Variants in TBCE observed in about 807,000 individuals in gnomAD.
The protein encoded by TBCE is tubulin folding cofactor E.
In TBCE, 53 loss-of-function variants were observed where a neutral mutation model predicts 77.0. The ratio of observed to expected loss-of-function variants is 0.69; its 90% CI spans 0.55 to 0.87. The LOEUF is 0.87. Ranked by LOEUF, TBCE falls within the 40% of genes least tolerant of loss-of-function variation. The pLI, the probability that TBCE is intolerant of heterozygous loss-of-function variation, is 0.00. For missense variants in TBCE, 624 were observed against 622.4 expected (o/e 1.00, Z -0.03); for synonymous variants, 235 against 241.3 (o/e 0.97, Z 0.24).
At chr1:235,373,641 TTTTTA>T (rs1226920375) in intron 1 of TBCE, among the ~76,000 whole-genome samples, 2 of 79,592 alleles carry the variant, frequency 2.5e-5, no homozygotes. Flanking sequence ...TTTATTTTTA[TTTTTA>T]TTTTATTTTA....
Position 235,411,518 on chromosome 1 carries a change from G to C in TBCE, c.186-2915G>C, listed in dbSNP as rs2102875943. ...AAAGGGGTCCTGATCCAGGCCCCAAGAGAGGGTTCTAGGATCTTGCAAAGG... is the reference window on the plus strand; with the variant it reads ...AAAGGGGTCCTGATCCAGGCCCCAACAGAGGGTTCTAGGATCTTGCAAAGG... On this transcript the variant is annotated intron_variant, in intron 3 of 16. Coordinates refer to ENST00000642610, the MANE Select transcript of TBCE (RefSeq NM_003193.5). 1.3e-5 allele frequency among the ~76,000 whole-genome samples: 2 copies of C among 152,280 alleles called. 1 individual carries two copies. The highest frequency in any genetic ancestry group is 4.1e-4 in the South Asian group (2 of 4,826).
At chr1:235,441,647 C>A in intron 13 of TBCE, 167 bp from the exon 14 acceptor site, 1 of 630,300 alleles carries the variant, frequency 1.6e-6, no homozygotes, top group South Asian at 1.9e-5. Context: ...TGGAAGTGGT[C>A]GTTGTCCATC....
intron 2 of TBCE, among the ~76,000 whole-genome samples, chr1:235,381,407 G>A (rs186075999): frequency 1.1e-3 from 174 of 151,836 alleles, no homozygotes; most frequent in African/African-American, 4.1e-3. Flanking sequence ...TGCTTGGGCC[G>A]GGCACGGTGG....
At position 235,432,953 on chromosome 1, in the gene TBCE, C is replaced by T. The variant is rs1237851861; in HGVS notation, c.661-1251C>T. On this transcript the variant is annotated intron_variant, in intron 7 of 16. Coordinates refer to ENST00000642610, the MANE Select transcript of TBCE (RefSeq NM_003193.5). ...GTAAAAAAAAAAAATTAGGCTCATGCGCAGTGTGGTGGCAGCAGGCACGGT... is the reference window on the plus strand; with the variant it reads ...GTAAAAAAAAAAAATTAGGCTCATGTGCAGTGTGGTGGCAGCAGGCACGGT... 36 of 1,388,724 alleles carry T rather than the reference C, an allele frequency of 2.6e-5. No homozygotes were observed. The highest frequency in any genetic ancestry group is 1.1e-4 in the Admixed American group (4 of 38,084). The allele number at this position is 1,388,724 out of a possible 1,614,324, so 86.0% of individuals were successfully genotyped here.
intron 8 of TBCE, 62 bp downstream of exon 8, chr1:235,434,342 G>T: frequency 7.1e-7 from 1 of 1,413,614 alleles, no homozygotes; most frequent in Non-Finnish European, 1.0e-6. Context: ...GTAAATAAAT[G>T]GTCTCAATTA....
At chr1:235,395,236 C>T (rs1335840206) in intron 2 of TBCE, among the ~76,000 whole-genome samples, 1 of 151,936 alleles carries the variant, frequency 6.6e-6, no homozygotes, top group Non-Finnish European at 1.5e-5. Flanking sequence ...TTTGTGGGTA[C>T]ATAGTAGGTG....
At chr1:235,408,996 A>G (rs1480865090) in intron 3 of TBCE, among the ~76,000 whole-genome samples, 2 of 140,678 alleles carry the variant, frequency 1.4e-5, no homozygotes, top group Non-Finnish European at 1.5e-5. Flanking sequence ...TGGATTTCAG[A>G]TAAACAGCCA....
At chr1:235,441,336 G>T in intron 13 of TBCE, 1 of 216,920 alleles carries the variant, frequency 4.6e-6, no homozygotes, top group South Asian at 7.5e-5. Context: ...GCCTGGCACT[G>T]CACGGTCTGG....
At chr1:235,439,082 C>G in intron 13 of TBCE, 160 bp downstream of exon 13, 1 of 966,492 alleles carries the variant, frequency 1.0e-6, no homozygotes, top group Non-Finnish European at 1.6e-6. Flanking sequence ...TTTCCTGGGG[C>G]GAGGGCGGCA....
In TBCE at chr1:235,401,585, C is replaced by T; in HGVS notation, c.183C>T (p.Cys61=). The T allele has an allele frequency of 6.2e-7, 1 of 1,612,718 alleles. No homozygotes were observed. The highest frequency in any genetic ancestry group is 1.1e-5 in the South Asian group (1 of 91,058). ...GSHEGTVYFK[C]RHPTGGSFIR... Reference sequence around the variant, plus strand: ...ACGAAGGGACTGTGTATTTTAAATGCAGGTAACTTTTCATTATGAATCAGC... The same window carrying T: ...ACGAAGGGACTGTGTATTTTAAATGTAGGTAACTTTTCATTATGAATCAGC... The change falls in exon 3 of 17, where the codon TGC becomes TGT. Residue 61 remains cysteine (C), a splice_region_variant and synonymous_variant. Coordinates refer to ENST00000642610, the MANE Select transcript of TBCE (RefSeq NM_003193.5).
intron 1 of TBCE, among the ~76,000 whole-genome samples, chr1:235,370,497 C>T (rs1411703859): frequency 2.0e-5 from 3 of 150,806 alleles, no homozygotes; most frequent in East Asian, 1.9e-4. Context: ...GTGATTCACC[C>T]GCCTCAGCCT....
chr1:235,431,844 G>A (rs1057275581), intron 7 of TBCE, among the ~76,000 whole-genome samples: 3 of 145,232 alleles, frequency 2.1e-5, no homozygotes, highest in African/African-American at 7.7e-5. Flanking sequence ...AGCTAATTTT[G>A]TATCTTTAGT....
chr1:235,370,408 A>G (rs564640975), intron 1 of TBCE, among the ~76,000 whole-genome samples: 2 of 151,756 alleles, frequency 1.3e-5, no homozygotes, highest in East Asian at 3.9e-4. Context: ...GCATGCCACC[A>G]TGCCTGGCTA....
chr1:235,377,096 CCT>C (rs1353791446), intron 1 of TBCE, among the ~76,000 whole-genome samples: 1 of 152,208 alleles, frequency 6.6e-6, no homozygotes, highest in Non-Finnish European at 1.5e-5. Context: ...TCCCAATGGC[CCT>C]GTCCTCCTTT....
chr1:235,426,246 G>A (rs780659864), intron 5 of TBCE, among the ~76,000 whole-genome samples: 2 of 152,120 alleles, frequency 1.3e-5, no homozygotes, highest in Non-Finnish European at 2.9e-5. Flanking sequence ...GTTGTCTGTC[G>A]GCTTTGCTTT....
At chr1:235,382,571 G>A (rs1472530659) in intron 2 of TBCE, among the ~76,000 whole-genome samples, 3 of 151,678 alleles carry the variant, frequency 2.0e-5, no homozygotes, top group African/African-American at 2.4e-5. Context: ...GCCAGTGATG[G>A]TGAGCATTTT....
chr1:235,416,647 C>T (rs914286268), intron 4 of TBCE, among the ~76,000 whole-genome samples: 4 of 152,100 alleles, frequency 2.6e-5, no homozygotes, highest in South Asian at 2.1e-4. Context: ...AATGGATTTT[C>T]GTCCCCTAGT....
At chr1:235,386,486 C>G (rs1295583473) in intron 2 of TBCE, among the ~76,000 whole-genome samples, 1 of 151,216 alleles carries the variant, frequency 6.6e-6, no homozygotes, top group Non-Finnish European at 1.5e-5. Flanking sequence ...TTCTTGGAGG[C>G]TTTGTTCATT....
chr1:235,374,113 TG>T (rs1311573824), intron 1 of TBCE, among the ~76,000 whole-genome samples: 2 of 145,102 alleles, frequency 1.4e-5, no homozygotes, highest in Non-Finnish European at 3.0e-5. Flanking sequence ...CTTGCCACCA[TG>T]CCTGGCTAAT....
Sources: allele counts gnomAD v4.1 joint callset (sites outside exome capture counted in the v4.1 genomes callset), GRCh38; gene constraint gnomAD v4.1.1; transcripts MANE v1.5; gene names NCBI Gene and HGNC (gene_info 2026-07-23, HGNC 2026-07-21).